OCA2: variants seen among roughly 807,000 people sequenced by gnomAD.
The protein encoded by OCA2 is P protein.
Under a neutral mutation model 100.2 loss-of-function variants are expected in OCA2, and 77 were observed. The observed-to-expected ratio is 0.77, with a 90% CI of 0.64 to 0.93. The LOEUF is 0.93. Ranked by LOEUF, OCA2 falls within the 40% of genes least tolerant of loss-of-function variation. The pLI is 0.00. For missense variants in OCA2, 1,062 were observed against 1,089.1 expected (o/e 0.98, Z 0.35); for synonymous variants, 432 against 439.2 (o/e 0.98, Z 0.21).
At chr15:27,737,709 A>G in the OCA2 span, among the ~76,000 whole-genome samples, 2 of 152,220 alleles carry the variant, frequency 1.3e-5, no homozygotes, top group Non-Finnish European at 2.9e-5. Flanking sequence ...TAGGACACAA[A>G]AAGCACTAAT....
chr15:27,751,022 C>T (rs1388626386), downstream of OCA2, among the ~76,000 whole-genome samples: 2 of 152,184 alleles, frequency 1.3e-5, no homozygotes, highest in African/African-American at 4.8e-5. Context: ...AACAGACCCA[C>T]GGATGCATTT....
intron 2 of OCA2, among the ~76,000 whole-genome samples, chr15:28,033,969 G>C (rs760101015): frequency 1.4e-4 from 21 of 151,996 alleles, no homozygotes; most frequent in Non-Finnish European, 2.6e-4. Flanking sequence ...ATTGAGCCCT[G>C]AGCTTCCATT....
intron 11 of OCA2, among the ~76,000 whole-genome samples, chr15:27,988,008 A>G (rs2141000508): frequency 6.6e-6 from 1 of 152,292 alleles, no homozygotes; most frequent in African/African-American, 2.4e-5. Context: ...GGCCACTGAG[A>G]GCTGACGGTG....
In OCA2 at chr15:27,923,653, T is replaced by C. The variant is rs188687036; in HGVS notation, c.2079+2474A>G. ...ATCATACACTTATTGGCTGCGTGTA[T>C]GTCTTCTTTTGAAAGCATTCATGTC... On this transcript the variant is annotated intron_variant, in intron 19 of 23. Transcript: ENST00000354638. Among the ~76,000 whole-genome samples, 244 of 152,376 alleles carry C rather than the reference T, an allele frequency of 1.6e-3. 2 individuals carry two copies. Among genetic ancestry groups the C allele is most frequent in the African/African-American group, 5.5e-3 (228 of 41,594 alleles).
intron 19 of OCA2, among the ~76,000 whole-genome samples, chr15:27,886,585 A>C (rs148795768): frequency 6.6e-6 from 1 of 152,226 alleles, no homozygotes; most frequent in African/African-American, 2.4e-5. Context: ...AATATACAAC[A>C]TCAGCACATG....
Position 28,093,337 on chromosome 15 carries a change from A to G in OCA2, c.-22+5887T>C, listed in dbSNP as rs189697088. 1.2e-3 allele frequency among the ~76,000 whole-genome samples: 180 copies of G among 151,834 alleles called. 5 individuals are homozygous for G. In the East Asian group the frequency reaches 0.021, roughly 18 times the overall value. On this transcript the variant is annotated intron_variant, in intron 1 of 23. Coordinates refer to ENST00000354638, the MANE Select transcript of OCA2 (RefSeq NM_000275.3). ...CCGAGGAGACTGAGGCAGGAGAATC[A>G]CTTGAAACCAGGAGGTGGAAGTTGC...
chr15:27,842,438 G>T (rs2035375560), intron 23 of OCA2, among the ~76,000 whole-genome samples: 1 of 152,194 alleles, frequency 6.6e-6, no homozygotes, highest in African/African-American at 2.4e-5. Context: ...GTGTATCACA[G>T]GAAGCCCCCT....
At chr15:27,800,202 T>C (rs1489930444) in intron 23 of OCA2, among the ~76,000 whole-genome samples, 3 of 152,230 alleles carry the variant, frequency 2.0e-5, no homozygotes, top group Non-Finnish European at 4.4e-5. Flanking sequence ...ACGATTGTAC[T>C]AAAGCGTTGC....
the OCA2 span, among the ~76,000 whole-genome samples, chr15:27,723,352 C>T: frequency 0.62 from 94,071 of 151,934 alleles, 29,410 homozygotes; most frequent in African/African-American, 0.67. Context: ...GACGTGTGCA[C>T]GCACAAACAC....
rs1215470907 is a variant in OCA2 at position 27,881,039 on chromosome 15, T to C, written c.2080-9117A>G. On this transcript the variant is annotated intron_variant, in intron 19 of 23. Coordinates refer to ENST00000354638, the MANE Select transcript of OCA2 (RefSeq NM_000275.3). ...TTATTTTGAGGTACAGTTCCATCAA[T>C]ACCTAGTTTATTGAGAGTTTTTAAC... Among the ~76,000 whole-genome samples, 9 of 152,214 alleles carry C rather than the reference T, an allele frequency of 5.9e-5. No homozygotes were observed. In the East Asian group the frequency reaches 1.5e-3, roughly 26 times the overall value.
At chr15:27,963,649 C>T (rs772545662) in intron 15 of OCA2, among the ~76,000 whole-genome samples, 6 of 151,780 alleles carry the variant, frequency 4.0e-5, no homozygotes, top group Non-Finnish European at 8.8e-5. Context: ...GCACTAAAGG[C>T]CTATATTAGA....
chr15:27,931,888 A>T (rs929785811), intron 18 of OCA2, among the ~76,000 whole-genome samples: 2 of 152,162 alleles, frequency 1.3e-5, no homozygotes, highest in African/African-American at 4.8e-5. Flanking sequence ...AATATCAGGA[A>T]ACACTCCTGT....
intron 13 of OCA2, among the ~76,000 whole-genome samples, 189 bp downstream of exon 13, chr15:27,984,875 A>G (rs2041294234): frequency 6.6e-6 from 1 of 152,124 alleles, no homozygotes. Context: ...CTGAGGCCCC[A>G]CTGCTTGTAG....
chr15:27,772,948 T>C (rs1355808786), intron 23 of OCA2, among the ~76,000 whole-genome samples: 1 of 152,198 alleles, frequency 6.6e-6, no homozygotes, highest in Non-Finnish European at 1.5e-5. Context: ...CAGTGAAGTT[T>C]CTATTAATTT....
At chr15:27,998,031 A>G (rs35483922) in intron 9 of OCA2, among the ~76,000 whole-genome samples, 80,176 of 137,692 alleles carry the variant, frequency 0.58, 27,676 homozygotes, top group Non-Finnish European at 0.79. Flanking sequence ...TTGATTTTGT[A>G]TCCTGAGACT....
the OCA2 span, among the ~76,000 whole-genome samples, chr15:27,740,081 C>G: frequency 6.6e-6 from 1 of 152,314 alleles, no homozygotes; most frequent in East Asian, 1.9e-4. Context: ...ACTTTCCTGT[C>G]TTGAGAAACT....
intron 22 of OCA2, among the ~76,000 whole-genome samples, chr15:27,848,132 G>A (rs2035604827): frequency 6.6e-6 from 1 of 152,198 alleles, no homozygotes; most frequent in African/African-American, 2.4e-5. Flanking sequence ...TCCCACAGAA[G>A]ACATTCCCTC....
chr15:27,820,117 T>C (rs1173376911), intron 23 of OCA2, among the ~76,000 whole-genome samples: 1 of 115,922 alleles, frequency 8.6e-6, no homozygotes, highest in Admixed American at 9.6e-5. Flanking sequence ...AATAAATATA[T>C]GAGAGTCCAA....
At chr15:28,095,641 A>G (rs2044962109) in intron 1 of OCA2, among the ~76,000 whole-genome samples, 1 of 151,212 alleles carries the variant, frequency 6.6e-6, no homozygotes, top group East Asian at 2.0e-4. Context: ...CGCTTGAACC[A>G]GGGAGGTGGA....
Sources: allele counts gnomAD v4.1 joint callset (sites outside exome capture counted in the v4.1 genomes callset), GRCh38; gene constraint gnomAD v4.1.1; transcripts MANE v1.5; gene names NCBI Gene and HGNC (gene_info 2026-07-23, HGNC 2026-07-21).